Variants in RIMS1 observed in about 807,000 individuals in gnomAD.
RIMS1 encodes the protein regulating synaptic membrane exocytosis 1.
A neutral mutation model predicts 214.1 loss-of-function variants in RIMS1; 83 were observed. The observed-to-expected ratio is 0.39, with a 90% CI of 0.32 to 0.47. RIMS1 has a LOEUF of 0.47. RIMS1 is among the 20% of genes least tolerant of loss of function. The probability of loss-of-function intolerance (pLI) is 0.99; values close to 1 mark genes in which losing one functional copy is unlikely to be tolerated. For synonymous variants in RIMS1, 793 were observed against 786.8 expected, an observed-to-expected ratio of 1.01 and a Z score of -0.13; for missense variants, 2,050 against 2,161.8, an observed-to-expected ratio of 0.95 and a Z score of 1.03.
chr6:72,124,664 C>A (rs994270008), intron 4 of RIMS1, among the ~76,000 whole-genome samples: 3 of 147,476 alleles, frequency 2.0e-5, no homozygotes, highest in Non-Finnish European at 3.1e-5. Context: ...TTCTTGGAGG[C>A]TTTGTTTGTT....
chr6:72,326,279 T>C (rs1025916399), intron 28 of RIMS1, among the ~76,000 whole-genome samples: 5 of 151,788 alleles, frequency 3.3e-5, no homozygotes, highest in Non-Finnish European at 7.4e-5. Flanking sequence ...CTGAAAACAT[T>C]CTTGCTTTCT....
At chr6:71,979,059 G>A (rs1797835111) in intron 2 of RIMS1, among the ~76,000 whole-genome samples, 1 of 151,918 alleles carries the variant, frequency 6.6e-6, no homozygotes, top group South Asian at 2.1e-4. Context: ...GTCTTACAAA[G>A]CCCCTTGTTC....
chr6:72,376,519 C>T (rs1013968995), intron 29 of RIMS1, among the ~76,000 whole-genome samples: 3 of 151,986 alleles, frequency 2.0e-5, no homozygotes, highest in African/African-American at 7.3e-5. Context: ...TGGGGGAGGC[C>T]GAGGCAGGCA....
intron 4 of RIMS1, among the ~76,000 whole-genome samples, chr6:72,174,972 C>T (rs2047510488): frequency 6.6e-6 from 1 of 151,978 alleles, no homozygotes; most frequent in Admixed American, 6.5e-5. Context: ...CCCATTCCCA[C>T]CCACATACAC....
chr6:72,031,505 C>T (rs778233938), intron 2 of RIMS1, among the ~76,000 whole-genome samples: 1 of 152,102 alleles, frequency 6.6e-6, no homozygotes, highest in Admixed American at 6.6e-5. Context: ...AAATGTTTCT[C>T]AATATAGGAA....
chr6:72,057,498 C>CTTTTTTTTTTTT (rs56115719), intron 2 of RIMS1, among the ~76,000 whole-genome samples: 22 of 126,206 alleles, frequency 1.7e-4, no homozygotes, highest in Non-Finnish European at 2.8e-4. Context: ...CCTTCTTTTT[C>CTTTTTTTTTTTT]TTTTTTTTTT....
chr6:72,210,666 A>G (rs1449821426), intron 6 of RIMS1, among the ~76,000 whole-genome samples: 1 of 152,222 alleles, frequency 6.6e-6, no homozygotes, highest in Non-Finnish European at 1.5e-5. Context: ...GGTAATCTAA[A>G]GTGATATTAG....
chr6:72,359,528 A>T (rs1224617184), intron 29 of RIMS1, among the ~76,000 whole-genome samples: 1 of 151,960 alleles, frequency 6.6e-6, no homozygotes, highest in East Asian at 1.9e-4. Flanking sequence ...TCACAAAGCC[A>T]GTTAGGCACG....
chr6:71,993,359 G>A (rs1053938550), intron 2 of RIMS1, among the ~76,000 whole-genome samples: 2 of 152,160 alleles, frequency 1.3e-5, no homozygotes, highest in African/African-American at 4.8e-5. Flanking sequence ...AAAAGCTTCA[G>A]GTGGAATCTA....
chr6:72,187,817 A>T, intron 6 of RIMS1, among the ~76,000 whole-genome samples: 1 of 152,082 alleles, frequency 6.6e-6, no homozygotes, highest in African/African-American at 2.4e-5. Context: ...GGAGATTGAT[A>T]TGTGTATTAG....
intron 29 of RIMS1, among the ~76,000 whole-genome samples, chr6:72,356,799 G>T (rs1164712455): frequency 6.6e-6 from 1 of 151,790 alleles, no homozygotes; most frequent in East Asian, 1.9e-4. Context: ...AAAATAAAAT[G>T]AGACTTTAGC....
chr6:72,097,208 A>T (rs375114650), intron 3 of RIMS1, 46 bp downstream of exon 3: 28 of 1,521,642 alleles, frequency 1.8e-5, no homozygotes, highest in Middle Eastern at 2.2e-4. Context: ...GTGGATAAAA[A>T]CTATTACGCC....
At chr6:72,082,247 T>C (rs959954577) in intron 2 of RIMS1, among the ~76,000 whole-genome samples, 6 of 152,240 alleles carry the variant, frequency 3.9e-5, no homozygotes, top group Admixed American at 3.9e-4. Context: ...CATTGAATAA[T>C]GTTACACTTC....
rs1314382773 is a variant in RIMS1 at position 72,074,583 on chromosome 6, T to C, written c.246-22366T>C. On this transcript the variant is annotated intron_variant, in intron 2 of 33. Coordinates refer to ENST00000521978, the MANE Select transcript of RIMS1 (RefSeq NM_014989.7). The stretch of plus-strand genomic sequence containing the variant: ...AGGAGGCTGAGGTGGTAGAATTACC[T>C]GAGCCTGGGAAGTCGAAGCTGCAGT... Among the ~76,000 whole-genome samples the C allele has an allele frequency of 2.0e-5, 3 of 152,306 alleles. No homozygotes were observed. In the East Asian group the frequency reaches 5.8e-4, roughly 29 times the overall value.
At chr6:72,082,687 G>A (rs936096011) in intron 2 of RIMS1, among the ~76,000 whole-genome samples, 4 of 152,182 alleles carry the variant, frequency 2.6e-5, no homozygotes, top group Non-Finnish European at 4.4e-5. Context: ...GAGTAGGAGC[G>A]GCATATCTTC....
chr6:72,128,998 A>G (rs1290473593), intron 4 of RIMS1, among the ~76,000 whole-genome samples: 1 of 152,220 alleles, frequency 6.6e-6, no homozygotes, highest in Non-Finnish European at 1.5e-5. Flanking sequence ...GTAACATAGC[A>G]TAATTATTGT....
chr6:72,383,306 G>A (rs1029205524), intron 29 of RIMS1, among the ~76,000 whole-genome samples: 5 of 152,092 alleles, frequency 3.3e-5, no homozygotes, highest in African/African-American at 9.7e-5. Flanking sequence ...TGGTTGATGG[G>A]TTTCTTTCCT....
chr6:72,201,809 C>A (rs973100771), intron 6 of RIMS1, among the ~76,000 whole-genome samples: 4 of 152,134 alleles, frequency 2.6e-5, no homozygotes, highest in Admixed American at 2.6e-4. Context: ...GTTATTAGAT[C>A]CATTTCCCTA....
intron 4 of RIMS1, among the ~76,000 whole-genome samples, chr6:72,171,728 A>T (rs2463735): frequency 6.6e-6 from 1 of 152,134 alleles, no homozygotes; most frequent in Non-Finnish European, 1.5e-5. Flanking sequence ...TAACTCTAGA[A>T]ATCACTCTTC....
Sources: gnomAD v4.1 joint callset for allele counts (sites outside exome capture counted in the v4.1 genomes callset) on GRCh38, gnomAD v4.1.1 for gene constraint, MANE v1.5 for transcripts, NCBI Gene and HGNC (gene_info 2026-07-23, HGNC 2026-07-21) for gene names.